The following CTNND2 variants were observed in gnomAD, a reference collection of about 807,000 sequenced individuals.
CTNND2 encodes catenin delta 2, also known as catenin delta-2.
CTNND2 carries 22 observed loss-of-function variants against 144.4 expected under a neutral mutation model. The observed-to-expected ratio is 0.15, with a 90% CI of 0.11 to 0.22. The LOEUF (loss-of-function observed/expected upper bound fraction) is 0.22. Ranked by LOEUF, CTNND2 falls within the 10% of genes least tolerant of loss-of-function variation. The pLI is 1.00. For missense variants in CTNND2, 1,353 were observed against 1,618.8 expected (o/e 0.84, Z 2.82); for synonymous variants, 751 against 695.6 (o/e 1.08, Z -1.25).
intron 1 of CTNND2, among the ~76,000 whole-genome samples, chr5:11,750,254 C>T (rs1301079094): frequency 6.6e-6 from 1 of 151,874 alleles, no homozygotes; most frequent in Admixed American, 6.6e-5. Flanking sequence ...TAATTGAGTA[C>T]AAGCATTTAA....
chr5:11,539,911 G>A (rs1774573955), intron 3 of CTNND2, among the ~76,000 whole-genome samples: 1 of 152,184 alleles, frequency 6.6e-6, no homozygotes, highest in African/African-American at 2.4e-5. Flanking sequence ...GTGGGCGTCT[G>A]TAATCCCAGC....
At chr5:11,011,496 C>A (rs62337201) in intron 18 of CTNND2, among the ~76,000 whole-genome samples, 5,038 of 152,260 alleles carry the variant, frequency 0.033, 124 homozygotes, top group Non-Finnish European at 0.051. Context: ...GGATTACAGG[C>A]ATGAGCCACC....
intron 3 of CTNND2, among the ~76,000 whole-genome samples, chr5:11,547,705 C>T (rs183809790): frequency 6.6e-6 from 1 of 152,252 alleles, no homozygotes; most frequent in Non-Finnish European, 1.5e-5. Context: ...TTCAAGCTCA[C>T]CAGATTTGCA....
chr5:11,480,784 C>G (rs1038828896), intron 3 of CTNND2, among the ~76,000 whole-genome samples: 1 of 151,924 alleles, frequency 6.6e-6, no homozygotes, highest in Non-Finnish European at 1.5e-5. Flanking sequence ...TAGGAAAAAG[C>G]GTTGATGTCA....
chr5:11,140,083 T>C (rs1187251435), intron 12 of CTNND2, among the ~76,000 whole-genome samples: 1 of 152,210 alleles, frequency 6.6e-6, no homozygotes, highest in Non-Finnish European at 1.5e-5. Context: ...GCAACCTTAA[T>C]TCCATCTGCA....
chr5:11,717,583 A>T (rs2126708975), intron 2 of CTNND2, among the ~76,000 whole-genome samples: 1 of 152,142 alleles, frequency 6.6e-6, no homozygotes, highest in South Asian at 2.1e-4. Flanking sequence ...TGAAAAAAAA[A>T]AAAAAAAGAT....
At chr5:10,996,208 T>C (rs1739328520) in intron 18 of CTNND2, among the ~76,000 whole-genome samples, 2 of 152,172 alleles carry the variant, frequency 1.3e-5, no homozygotes, top group South Asian at 4.2e-4. Context: ...ATCAGGCAAC[T>C]TGGAGAGAGA....
intron 9 of CTNND2, among the ~76,000 whole-genome samples, chr5:11,344,385 C>G (rs1007636933): frequency 6.8e-6 from 1 of 147,904 alleles, no homozygotes; most frequent in Non-Finnish European, 1.5e-5. Flanking sequence ...AAACGAGACT[C>G]CGTCTCAAAA....
chr5:11,600,504 G>C (rs977746358), intron 2 of CTNND2, among the ~76,000 whole-genome samples: 1 of 151,760 alleles, frequency 6.6e-6, no homozygotes, highest in African/African-American at 2.4e-5. Context: ...TCAGGAGTTC[G>C]AGACCAGTTT....
At chr5:11,239,637 A>G in intron 9 of CTNND2, among the ~76,000 whole-genome samples, 1 of 152,076 alleles carries the variant, frequency 6.6e-6, no homozygotes, top group East Asian at 1.9e-4. Context: ...AGTCTAAGAC[A>G]CTCCCATGAC....
intron 1 of CTNND2, among the ~76,000 whole-genome samples, chr5:11,863,023 T>C (rs1392693716): frequency 6.6e-6 from 1 of 152,230 alleles, no homozygotes; most frequent in Non-Finnish European, 1.5e-5. Context: ...GTCTCTGTAC[T>C]GCTTGGCTGT....
At chr5:11,818,431 T>C (rs1166380247) in intron 1 of CTNND2, among the ~76,000 whole-genome samples, 1 of 151,914 alleles carries the variant, frequency 6.6e-6, no homozygotes, top group Non-Finnish European at 1.5e-5. Flanking sequence ...TGCAGCGATG[T>C]GATCTCGGCT....
At chr5:11,458,596 C>T (rs1171893204) in intron 3 of CTNND2, among the ~76,000 whole-genome samples, 1 of 152,050 alleles carries the variant, frequency 6.6e-6, no homozygotes, top group African/African-American at 2.4e-5. Context: ...TCCTGCATCT[C>T]TAGTCCATTA....
intron 1 of CTNND2, among the ~76,000 whole-genome samples, chr5:11,800,187 A>G (rs1344169084): frequency 6.6e-6 from 1 of 152,188 alleles, no homozygotes; most frequent in African/African-American, 2.4e-5. Context: ...TGTTGAATGG[A>G]ATTTAAACCT....
At chr5:11,896,271 G>T (rs538398940) in intron 1 of CTNND2, among the ~76,000 whole-genome samples, 1 of 152,192 alleles carries the variant, frequency 6.6e-6, no homozygotes, top group Non-Finnish European at 1.5e-5. Flanking sequence ...ATGTTAATAG[G>T]TAACTAAACA....
chr5:11,038,234 T>C (rs906787633), intron 16 of CTNND2, among the ~76,000 whole-genome samples: 5 of 152,276 alleles, frequency 3.3e-5, no homozygotes, highest in Admixed American at 2.6e-4. Flanking sequence ...TACTGGTCCA[T>C]GGCCTGTTAG....
chr5:11,532,121 C>T (rs948950493), intron 3 of CTNND2, among the ~76,000 whole-genome samples: 5 of 152,120 alleles, frequency 3.3e-5, no homozygotes, highest in African/African-American at 1.2e-4. Flanking sequence ...GGTGCAGCCC[C>T]TTTGCACCAC....
At chr5:11,860,621 T>G (rs896908184) in intron 1 of CTNND2, among the ~76,000 whole-genome samples, 1 of 152,234 alleles carries the variant, frequency 6.6e-6, no homozygotes. Flanking sequence ...CGGCTATTTG[T>G]TTTTATAAAA....
At chr5:11,704,617 G>A (rs1785608741) in intron 2 of CTNND2, among the ~76,000 whole-genome samples, 1 of 151,958 alleles carries the variant, frequency 6.6e-6, no homozygotes, top group Non-Finnish European at 1.5e-5. Flanking sequence ...GTCCTGGAGG[G>A]CTCCTCGAAT....
Sources: allele counts gnomAD v4.1 joint callset (sites outside exome capture counted in the v4.1 genomes callset), GRCh38; gene constraint gnomAD v4.1.1; transcripts MANE v1.5; gene names NCBI Gene and HGNC (gene_info 2026-07-23, HGNC 2026-07-21).